The following PCDH11X variants were observed in gnomAD, a reference collection of about 807,000 sequenced individuals.
The protein encoded by PCDH11X is protocadherin 11 X-linked.
In PCDH11X, 18 loss-of-function variants were observed where a neutral mutation model predicts 53.3. The observed-to-expected ratio is 0.34, with a 90% CI of 0.23 to 0.50. PCDH11X has a LOEUF of 0.50. PCDH11X is among the 20% of genes least tolerant of loss of function. PCDH11X has a pLI of 0.98. For synonymous variants in PCDH11X, 279 were observed against 393.3 expected, an observed-to-expected ratio of 0.71 and a Z score of 3.44; for missense variants, 570 against 1,032.4, an observed-to-expected ratio of 0.55 and a Z score of 6.14.
chrX:92,398,296 A>G (rs1397485482), intron 9 of PCDH11X, among the ~76,000 whole-genome samples: 6 of 111,116 alleles, frequency 5.4e-5, no homozygotes, highest in African/African-American at 2.0e-4. Flanking sequence ...GAATCTGTCT[A>G]TGTGTTAGTA....
intron 10 of PCDH11X, among the ~76,000 whole-genome samples, chrX:92,505,167 GT>G (rs61267828): frequency 0.42 from 23,620 of 56,708 alleles, 3,139 homozygotes; most frequent in Non-Finnish European, 0.48. Context: ...TTTTTTTTTT[GT>G]TTTTTTTTGC....
In PCDH11X at chrX:91,944,023, TTGTGTG is replaced by T. The variant is rs755497548; in HGVS notation, c.3033+64784_3033+64789del. Among the ~76,000 whole-genome samples the T allele has an allele frequency of 8.6e-4, 55 of 63,945 alleles. 3 individuals are homozygous for T. The highest frequency in any genetic ancestry group is 2.3e-3 in the African/African-American group (45 of 19,446). 55.5% of individuals were successfully genotyped at this position (63,945 alleles called of 115,157 possible). ...ATATCCCAAAGCTGTATCTCCTGGA[TTGTGTG>T]TGTGTGTGTGTGTGTGTGTGTGTGT... is the stretch of plus-strand genomic sequence containing the variant. On this transcript the variant is annotated intron_variant, in intron 6 of 10. Coordinates refer to ENST00000682573, the MANE Select transcript of PCDH11X (RefSeq NM_032968.5).
chrX:92,045,879 C>G (rs1441208481), intron 6 of PCDH11X, among the ~76,000 whole-genome samples: 2 of 106,897 alleles, frequency 1.9e-5, no homozygotes, highest in Non-Finnish European at 3.8e-5. Flanking sequence ...GCCGAGGTTG[C>G]AGTGAGCCAA....
At chrX:92,184,379 T>C (rs1041577357) in intron 6 of PCDH11X, among the ~76,000 whole-genome samples, 1 of 111,774 alleles carries the variant, frequency 8.9e-6, no homozygotes. Flanking sequence ...ATTGGAAAAA[T>C]TAATATTGTT....
chrX:92,160,489 T>C (rs1390141215), intron 6 of PCDH11X, among the ~76,000 whole-genome samples: 1 of 109,263 alleles, frequency 9.2e-6, no homozygotes, highest in Non-Finnish European at 1.9e-5. Flanking sequence ...ATGCCATTAA[T>C]TCATTCCTTT....
chrX:91,840,162 G>T (rs1233752576), intron 5 of PCDH11X, among the ~76,000 whole-genome samples: 2 of 111,129 alleles, frequency 1.8e-5, no homozygotes, highest in African/African-American at 6.5e-5. Context: ...CTTTTCTCAT[G>T]GTAGGAACTC....
chrX:92,566,860 A>C (rs1357517853), intron 10 of PCDH11X, among the ~76,000 whole-genome samples: 6 of 110,290 alleles, frequency 5.4e-5, no homozygotes, highest in Admixed American at 9.8e-5. Context: ...GTATTTTGTA[A>C]ATTTTAATAT....
chrX:91,793,509 A>G (rs904840841), intron 1 of PCDH11X, among the ~76,000 whole-genome samples: 135 of 110,553 alleles, frequency 1.2e-3, no homozygotes, highest in Middle Eastern at 4.9e-3. Flanking sequence ...ACAATTATAC[A>G]GTAGTCAATA....
At chrX:92,110,078 GA>G (rs1359997675) in intron 6 of PCDH11X, among the ~76,000 whole-genome samples, 1 of 111,820 alleles carries the variant, frequency 8.9e-6, no homozygotes, top group Admixed American at 9.5e-5. Flanking sequence ...TACTTTTATA[GA>G]TTGATTAGTC....
At chrX:92,437,451 A>T (rs1412787529) in intron 9 of PCDH11X, among the ~76,000 whole-genome samples, 2 of 111,817 alleles carry the variant, frequency 1.8e-5, no homozygotes, top group African/African-American at 6.5e-5. Context: ...AGGATAAATT[A>T]CCTTACTTAA....
intron 5 of PCDH11X, among the ~76,000 whole-genome samples, chrX:91,874,690 ATCT>A (rs1207829206): frequency 3.3e-5 from 3 of 89,952 alleles, no homozygotes; most frequent in African/African-American, 1.2e-4. Context: ...TTGCAGAAAT[ATCT>A]TCAAGTAATT....
intron 6 of PCDH11X, among the ~76,000 whole-genome samples, chrX:92,132,692 T>C (rs1367455274): frequency 1.1e-5 from 1 of 88,008 alleles, no homozygotes; most frequent in Admixed American, 1.4e-4. Flanking sequence ...TATATGTATA[T>C]ATATATATAT....
rs879214368 is a variant in PCDH11X, at chrX:92,620,404, A to G, written c.*1464A>G. The G allele has an allele frequency of 2.8e-5, 3 of 106,332 alleles. No homozygotes were observed. The highest frequency in any genetic ancestry group is 8.9e-4 in the South Asian group (2 of 2,238). The allele number at this position is 106,332 out of a possible 1,213,427, so 8.8% of individuals were successfully genotyped here. On this transcript the variant is annotated 3_prime_UTR_variant, in exon 11 of 11. Transcript: ENST00000682573. ...AACATCACCAACTTAATTTTCTTCC[A>G]TAGCAAAACTGAGAAAATACCTTGT... is the stretch of plus-strand genomic sequence containing the variant.
At chrX:92,370,062 T>C (rs2070577205) in intron 8 of PCDH11X, among the ~76,000 whole-genome samples, 1 of 107,655 alleles carries the variant, frequency 9.3e-6, no homozygotes, top group Non-Finnish European at 1.9e-5. Flanking sequence ...TTTCTTTATC[T>C]CATAATTTTT....
chrX:92,533,950 C>T (rs778533450), intron 10 of PCDH11X, among the ~76,000 whole-genome samples: 76 of 103,791 alleles, frequency 7.3e-4, no homozygotes, highest in Middle Eastern at 5.1e-3. Flanking sequence ...GGGGAGAAAC[C>T]AGAGCAGAAA....
chrX:91,900,381 T>C (rs1602457153), intron 6 of PCDH11X, among the ~76,000 whole-genome samples: 1 of 110,970 alleles, frequency 9.0e-6, no homozygotes, highest in Non-Finnish European at 1.9e-5. Flanking sequence ...AAAATTCTTC[T>C]AGTAGGTTAC....
intron 4 of PCDH11X, among the ~76,000 whole-genome samples, chrX:91,828,363 G>C (rs1162812194): frequency 9.1e-6 from 1 of 110,373 alleles, no homozygotes; most frequent in Non-Finnish European, 1.9e-5. Flanking sequence ...CTCGTGATCC[G>C]CCCGCTTCGG....
intron 10 of PCDH11X, among the ~76,000 whole-genome samples, chrX:92,555,747 A>T (rs1342195944): frequency 2.7e-5 from 3 of 111,104 alleles, no homozygotes; most frequent in African/African-American, 6.5e-5. Context: ...TCCTTCTCTG[A>T]TTAAAAGAAT....
At chrX:92,259,275 T>C (rs1360054570) in intron 7 of PCDH11X, among the ~76,000 whole-genome samples, 1 of 111,079 alleles carries the variant, frequency 9.0e-6, no homozygotes, top group African/African-American at 3.3e-5. Flanking sequence ...ATTCTTGCAT[T>C]GCTATAAATA....
Sources: gnomAD v4.1 joint callset for allele counts (sites outside exome capture counted in the v4.1 genomes callset) on GRCh38, gnomAD v4.1.1 for gene constraint, MANE v1.5 for transcripts, NCBI Gene and HGNC (gene_info 2026-07-23, HGNC 2026-07-21) for gene names.